The following NKIRAS1 variants were observed in gnomAD, a reference collection of about 807,000 sequenced individuals.
The protein encoded by NKIRAS1 is NF-kappa-B inhibitor-interacting Ras-like protein 1.
A neutral mutation model predicts 19.8 loss-of-function variants in NKIRAS1; 16 were observed. The observed-to-expected ratio is 0.81, with a 90% CI of 0.55 to 1.23. The LOEUF (loss-of-function observed/expected upper bound fraction) is 1.23. Ranked by LOEUF, NKIRAS1 falls within the 50% of genes most tolerant of loss-of-function variation. NKIRAS1 has a pLI of 0.00. For missense variants in NKIRAS1, 184 were observed against 220.0 expected (o/e 0.84, Z 1.04); for synonymous variants, 88 against 79.0 (o/e 1.11, Z -0.61).
chr3:23,945,501 C>A, intron 1 of NKIRAS1: 1 of 914,192 alleles, frequency 1.1e-6, no homozygotes, highest in Non-Finnish European at 1.3e-6. Context: ...CCCGGGGCGG[C>A]GCGGCGCTGA....
At chr3:23,919,871 G>C (rs535888300), upstream of NKIRAS1, 3 of 1,001,450 alleles carry the variant, frequency 3.0e-6, no homozygotes, top group Non-Finnish European at 3.6e-6. Context: ...TGCTCTGCTG[G>C]TTTATTTTCA....
chr3:23,908,978 G>A (rs1339506692), intron 3 of NKIRAS1, among the ~76,000 whole-genome samples: 16 of 151,372 alleles, frequency 1.1e-4, no homozygotes, highest in Admixed American at 1.1e-3. Context: ...ACCAAGCTGT[G>A]AGCCATCACG....
At chr3:23,906,791 C>T (rs549795568) in intron 3 of NKIRAS1, among the ~76,000 whole-genome samples, 1 of 152,044 alleles carries the variant, frequency 6.6e-6, no homozygotes, top group Non-Finnish European at 1.5e-5. Context: ...GTCTTATATC[C>T]TTTGCAGTGG....
At chr3:23,919,163 G>C, upstream of NKIRAS1, 1 of 1,466,708 alleles carries the variant, frequency 6.8e-7, no homozygotes, top group Non-Finnish European at 9.5e-7. Flanking sequence ...GGCAATGTGG[G>C]AGATTGACCT....
chr3:23,917,813 A>T (rs781521103), upstream of NKIRAS1: 8 of 1,566,028 alleles, frequency 5.1e-6, no homozygotes, highest in African/African-American at 1.4e-5. Flanking sequence ...ATTGTACTTA[A>T]AGCGGATGAT....
exon 1 of NKIRAS1, chr3:23,946,352 CGAGG>C: frequency 2.1e-6 from 2 of 949,182 alleles, no homozygotes; most frequent in Non-Finnish European, 2.5e-6. Context: ...AAGTGCAGGA[CGAGG>C]GCGTGCTGCA....
chr3:23,945,660 T>TG (rs1209411756), intron 1 of NKIRAS1: 1 of 255,292 alleles, frequency 3.9e-6, no homozygotes, highest in South Asian at 1.7e-4. Context: ...CGGGGCACTT[T>TG]GGGGGGCGGC....
rs1048134441 is a variant in NKIRAS1 at position 23,927,726 on chromosome 3, C to T, written c.-139-16276G>A. On this transcript the variant is annotated intron_variant, in intron 1 of 4. Transcript: ENST00000421515. This position sits in a 1 kb window ranked among gnomAD's most constrained non-coding sequence, Gnocchi z 4.0. ...AGTGTAAACATACTATTTAGCTTCC[C>T]GAGGTTGATTATTAACTAAGCTAGG... is the stretch of plus-strand genomic sequence containing the variant. 9.2e-5 allele frequency among the ~76,000 whole-genome samples: 14 copies of T among 152,002 alleles called. No individual in the cohort carries two copies. The highest frequency in any genetic ancestry group is 2.2e-4 in the African/African-American group (9 of 41,370).
At chr3:23,918,390 G>T, upstream of NKIRAS1, 2 of 1,595,496 alleles carry the variant, frequency 1.3e-6, no homozygotes, top group South Asian at 2.2e-5. Flanking sequence ...TGAGTCTTAA[G>T]CCTTACGGCT....
chr3:23,919,092 G>A, upstream of NKIRAS1: 1 of 752,422 alleles, frequency 1.3e-6, no homozygotes, highest in Admixed American at 2.4e-5. Flanking sequence ...AGTAGTAAAA[G>A]ACTCTTGTCT....
Position 23,891,511 on chromosome 3 carries a change from C to T in NKIRAS1, c.*1584G>A, listed in dbSNP as rs755766679. Reference sequence around the variant, plus strand: ...CTAGAAAAGGTTAAATAATCTACCCCATTTAGGCTTCAAAGACGAACCCTA... The same window carrying T: ...CTAGAAAAGGTTAAATAATCTACCCTATTTAGGCTTCAAAGACGAACCCTA... On this transcript the variant is annotated 3_prime_UTR_variant, in exon 5 of 5. Transcript: ENST00000425478. The T allele has an allele frequency of 2.0e-5, 3 of 152,168 alleles. No individual in the cohort carries two copies. Among genetic ancestry groups the T allele is most frequent in the Non-Finnish European group, 2.9e-5 (2 of 68,032 alleles). 9.4% of individuals were successfully genotyped at this position (152,168 alleles called of 1,614,324 possible).
chr3:23,919,807 T>G (rs181403520), upstream of NKIRAS1: 1 of 1,064,116 alleles, frequency 9.4e-7, no homozygotes, highest in Admixed American at 4.9e-5. Context: ...ACTAGCCCTG[T>G]AGATTTGTCT....
At chr3:23,920,960 G>C (rs568760148), upstream of NKIRAS1, 1 of 164,690 alleles carries the variant, frequency 6.1e-6, no homozygotes, top group African/African-American at 2.4e-5. Flanking sequence ...AATATAATTT[G>C]AGATAGCATA....
upstream of NKIRAS1, chr3:23,920,652 A>G (rs1461460887): frequency 1.0e-6 from 1 of 985,102 alleles, no homozygotes; most frequent in Non-Finnish European, 1.2e-6. Flanking sequence ...CTCGTTCTGA[A>G]CCAATTTTCT....
chr3:23,933,907 T>C (rs1275722827), intron 1 of NKIRAS1, among the ~76,000 whole-genome samples: 1 of 152,182 alleles, frequency 6.6e-6, no homozygotes, highest in Non-Finnish European at 1.5e-5. Flanking sequence ...GCTGCTGCAT[T>C]CTCATGTGGC....
At chr3:23,932,688 CAA>C (rs5847261) in intron 1 of NKIRAS1, among the ~76,000 whole-genome samples, 54 of 72,904 alleles carry the variant, frequency 7.4e-4, no homozygotes, top group Admixed American at 1.2e-3. Flanking sequence ...AATTCCGTCT[CAA>C]AAAAAAAAAA....
chr3:23,890,359 G>A lies in NKIRAS1; in HGVS notation c.*2736C>T. 1.6e-6 allele frequency: 1 copy of A among 636,594 alleles called. No homozygotes were observed. The highest frequency in any genetic ancestry group is 2.6e-6 in the Non-Finnish European group (1 of 385,668). The allele number at this position is 636,594 out of a possible 1,614,324, so 39.4% of individuals were successfully genotyped here. On this transcript the variant is annotated 3_prime_UTR_variant, in exon 5 of 5. Transcript: ENST00000425478. ...GTTATGTTTTTTTGAAATTTTGATGGAAAAATATCCAGCATGGTGGAGTGG... is the reference window on the plus strand; with the variant it reads ...GTTATGTTTTTTTGAAATTTTGATGAAAAAATATCCAGCATGGTGGAGTGG...
chr3:23,910,468 T>C (rs1703587360), intron 3 of NKIRAS1, among the ~76,000 whole-genome samples: 1 of 152,212 alleles, frequency 6.6e-6, no homozygotes, highest in Admixed American at 6.5e-5. Flanking sequence ...AGTTATGTTT[T>C]CTTAAATCAG....
At chr3:23,921,570 G>GTTGTT (rs1559513544), upstream of NKIRAS1, 219 of 508,730 alleles carry the variant, frequency 4.3e-4, 9 homozygotes, top group Admixed American at 7.5e-4. Context: ...TGATTATTGA[G>GTTGTT]TTTTTTTTTT....
Sources: gnomAD v4.1 joint callset for allele counts (sites outside exome capture counted in the v4.1 genomes callset) on GRCh38, gnomAD v4.1.1 for gene constraint, Gnocchi (gnomAD v3.1) non-coding constraint, MANE v1.5 for transcripts, NCBI Gene and HGNC (gene_info 2026-07-23, HGNC 2026-07-21) for gene names.